Variants in SGCZ observed in about 807,000 individuals in gnomAD.
The protein encoded by SGCZ is sarcoglycan zeta, also known as zeta-sarcoglycan.
In SGCZ, 40 loss-of-function variants were observed where a neutral mutation model predicts 41.3. That is an observed-to-expected ratio of 0.97 (90% CI 0.75 to 1.26). SGCZ has a LOEUF of 1.26. Among genes scored for constraint, SGCZ ranks in the 50% most tolerant of loss-of-function variants. SGCZ has a pLI of 0.00. For missense variants in SGCZ, 552 were observed against 369.8 expected, an observed-to-expected ratio of 1.49 and a Z score of -4.04; for synonymous variants, 206 against 137.5, an observed-to-expected ratio of 1.50 and a Z score of -3.49.
At chr8:14,894,318 C>A (rs1224451607) in intron 1 of SGCZ, among the ~76,000 whole-genome samples, 1 of 152,024 alleles carries the variant, frequency 6.6e-6, no homozygotes, top group East Asian at 1.9e-4. Flanking sequence ...TTTTGAAGAG[C>A]ACACTTCTAA....
chr8:15,017,426 G>A (rs1803080085), intron 1 of SGCZ, among the ~76,000 whole-genome samples: 1 of 152,116 alleles, frequency 6.6e-6, no homozygotes, highest in African/African-American at 2.4e-5. Flanking sequence ...TTAACTTTTT[G>A]TAAATTTTTA....
intron 1 of SGCZ, among the ~76,000 whole-genome samples, chr8:15,031,308 C>T (rs1478127587): frequency 6.6e-6 from 1 of 152,082 alleles, no homozygotes; most frequent in African/African-American, 2.4e-5. Context: ...ATCCTCATGC[C>T]TCGCCCAGGC....
At chr8:14,424,486 C>T (rs547671127) in intron 2 of SGCZ, among the ~76,000 whole-genome samples, 1 of 152,214 alleles carries the variant, frequency 6.6e-6, no homozygotes, top group Non-Finnish European at 1.5e-5. Context: ...GCTTATTTTT[C>T]TCTGTGAGTA....
intron 2 of SGCZ, among the ~76,000 whole-genome samples, chr8:14,497,802 G>T (rs1802036643): frequency 6.6e-6 from 1 of 152,094 alleles, no homozygotes. Context: ...ATGAGATTTG[G>T]AGGGGACACA....
chr8:14,801,277 G>T (rs1038142552), intron 1 of SGCZ, among the ~76,000 whole-genome samples: 1 of 152,098 alleles, frequency 6.6e-6, no homozygotes, highest in African/African-American at 2.4e-5. Flanking sequence ...GCAAATATAT[G>T]CATATGCTAC....
intron 1 of SGCZ, among the ~76,000 whole-genome samples, chr8:14,765,886 G>A (rs184688383): frequency 6.6e-6 from 1 of 151,708 alleles, no homozygotes; most frequent in Admixed American, 6.6e-5. Flanking sequence ...CAATCTTGGA[G>A]GAGAGAGGTT....
Position 14,988,303 on chromosome 8 carries a change from G to C in SGCZ, c.39+249282C>G, listed in dbSNP as rs1402535859. On this transcript the variant is annotated intron_variant, in intron 1 of 7. Coordinates refer to ENST00000382080, the MANE Select transcript of SGCZ (RefSeq NM_139167.4). ...AACAAAGGACAAACATGCTAAGAAA[G>C]TCACCCACATTCCCCATCATATAAG... 5.3e-5 allele frequency among the ~76,000 whole-genome samples: 8 copies of C among 151,878 alleles called. No individual in the cohort carries two copies. The East Asian group carries it at 1.5e-3, about 29-fold the overall frequency.
At chr8:14,566,188 T>A (rs938754969) in intron 1 of SGCZ, among the ~76,000 whole-genome samples, 5 of 152,196 alleles carry the variant, frequency 3.3e-5, no homozygotes, top group African/African-American at 1.2e-4. Context: ...GCTGACTATT[T>A]AGATAAAGAG....
At chr8:14,935,417 G>A (rs201508286) in intron 1 of SGCZ, among the ~76,000 whole-genome samples, 1 of 150,328 alleles carries the variant, frequency 6.7e-6, no homozygotes, top group South Asian at 2.1e-4. Flanking sequence ...GGACATCTGG[G>A]TCACTCTGTT....
chr8:14,301,001 T>A (rs371464461), intron 3 of SGCZ, among the ~76,000 whole-genome samples: 1 of 151,900 alleles, frequency 6.6e-6, no homozygotes, highest in South Asian at 2.1e-4. Flanking sequence ...AGCTCGTATA[T>A]ATGAGTAAGA....
At chr8:14,606,123 C>T (rs1240232134) in intron 1 of SGCZ, among the ~76,000 whole-genome samples, 2 of 152,074 alleles carry the variant, frequency 1.3e-5, no homozygotes, top group African/African-American at 4.8e-5. Context: ...CACCGAGGAA[C>T]AATGTATAGC....
intron 1 of SGCZ, among the ~76,000 whole-genome samples, chr8:14,963,397 G>A (rs1026298818): frequency 6.8e-4 from 103 of 151,356 alleles, no homozygotes; most frequent in Non-Finnish European, 9.7e-4. Context: ...GGAGTCCAGC[G>A]GCACAATCTT....
chr8:14,167,960 A>G (rs973175693), intron 4 of SGCZ, among the ~76,000 whole-genome samples: 1 of 152,194 alleles, frequency 6.6e-6, no homozygotes, highest in Non-Finnish European at 1.5e-5. Flanking sequence ...AGAGGCTCAA[A>G]TATATATTTT....
chr8:14,808,489 T>G (rs1218515073), intron 1 of SGCZ, among the ~76,000 whole-genome samples: 1 of 152,048 alleles, frequency 6.6e-6, no homozygotes, highest in Non-Finnish European at 1.5e-5. Flanking sequence ...AAAATGATCA[T>G]CACTGGCCAT....
chr8:14,598,682 C>T (rs1805493073), intron 1 of SGCZ, among the ~76,000 whole-genome samples: 1 of 152,022 alleles, frequency 6.6e-6, no homozygotes, highest in South Asian at 2.1e-4. Context: ...TGGGCCATCA[C>T]ACCCGGCTAA....
chr8:14,602,163 T>C (rs1007264110), intron 1 of SGCZ, among the ~76,000 whole-genome samples: 1 of 151,904 alleles, frequency 6.6e-6, no homozygotes, highest in African/African-American at 2.4e-5. Flanking sequence ...AAAAGTATGA[T>C]GTGGATATAT....
At chr8:14,925,943 G>C (rs890235456) in intron 1 of SGCZ, among the ~76,000 whole-genome samples, 1 of 152,184 alleles carries the variant, frequency 6.6e-6, no homozygotes, top group Non-Finnish European at 1.5e-5. Context: ...GGGCAGAGAT[G>C]TTGTTTTTTA....
intron 5 of SGCZ, among the ~76,000 whole-genome samples, chr8:14,163,175 T>G (rs1358554300): frequency 6.6e-6 from 1 of 152,232 alleles, no homozygotes; most frequent in East Asian, 1.9e-4. Flanking sequence ...TACACTTTTT[T>G]TAACTTTTAA....
chr8:15,038,479 A>C (rs1186767671), intron 1 of SGCZ, among the ~76,000 whole-genome samples: 4 of 152,008 alleles, frequency 2.6e-5, no homozygotes, highest in Non-Finnish European at 4.4e-5. Flanking sequence ...AGAGTTTAAT[A>C]TAAGACCTTG....
Sources: gnomAD v4.1 joint callset for allele counts (sites outside exome capture counted in the v4.1 genomes callset) on GRCh38, gnomAD v4.1.1 for gene constraint, MANE v1.5 for transcripts, NCBI Gene and HGNC (gene_info 2026-07-23, HGNC 2026-07-21) for gene names.